Variants in ZNF85 observed in about 807,000 individuals in gnomAD.
The protein encoded by ZNF85 is zinc finger protein 85, also known as zinc finger protein 85 (HPF4, HTF1).
A neutral mutation model predicts 53.9 loss-of-function variants in ZNF85; 50 were observed. The ratio of observed to expected loss-of-function variants is 0.93; its 90% CI spans 0.74 to 1.17. The LOEUF (loss-of-function observed/expected upper bound fraction) is 1.17, where lower values mean the gene tolerates loss of function less well. Among genes scored for constraint, ZNF85 ranks in the 50% most tolerant of loss-of-function variants. The pLI, the probability that ZNF85 is intolerant of heterozygous loss-of-function variation, is 0.00. For synonymous variants in ZNF85, 225 were observed against 226.1 expected, an observed-to-expected ratio of 1.00 and a Z score of 0.04; for missense variants, 747 against 688.5, an observed-to-expected ratio of 1.08 and a Z score of -0.95.
chr19:20,946,960 C>A (rs1250161326), intron 3 of ZNF85, among the ~76,000 whole-genome samples: 3 of 148,454 alleles, frequency 2.0e-5, no homozygotes, highest in Non-Finnish European at 4.5e-5. Context: ...CTGAAACAGA[C>A]TTACAAATGT....
intron 3 of ZNF85, among the ~76,000 whole-genome samples, chr19:20,947,488 CTTTTT>C (rs768097517): frequency 1.5e-4 from 8 of 51,634 alleles, no homozygotes; most frequent in African/African-American, 4.2e-4. Context: ...TGCCAATACA[CTTTTT>C]TTTTTTTTTT....
intron 1 of ZNF85, among the ~76,000 whole-genome samples, chr19:20,929,245 A>G (rs1972952401): frequency 6.6e-6 from 1 of 151,352 alleles, no homozygotes; most frequent in Non-Finnish European, 1.5e-5. Flanking sequence ...CTGGAGTGCA[A>G]TGGCATGATC....
At chr19:20,946,754 T>C (rs1239973677) in intron 3 of ZNF85, among the ~76,000 whole-genome samples, 1 of 152,092 alleles carries the variant, frequency 6.6e-6, no homozygotes, top group Non-Finnish European at 1.5e-5. Flanking sequence ...CTTAGACCTC[T>C]TCTGCTCTCA....
At chr19:20,924,918 A>G (rs1972844751) in intron 1 of ZNF85, among the ~76,000 whole-genome samples, 1 of 152,172 alleles carries the variant, frequency 6.6e-6, no homozygotes, top group African/African-American at 2.4e-5. Flanking sequence ...ATGGGTCATC[A>G]GCCACTCTTC....
chr19:20,924,141 A>G (rs961937255), intron 1 of ZNF85, among the ~76,000 whole-genome samples: 2 of 152,100 alleles, frequency 1.3e-5, no homozygotes, highest in African/African-American at 4.8e-5. Flanking sequence ...AAGAACTTAA[A>G]AAGTGGTTCA....
At chr19:20,925,907 T>C (rs1394550425) in intron 1 of ZNF85, among the ~76,000 whole-genome samples, 4 of 152,236 alleles carry the variant, frequency 2.6e-5, no homozygotes, top group Admixed American at 2.6e-4. Context: ...GGCACAAAAA[T>C]ATTTGCACAG....
chr19:20,934,171 C>T, intron 2 of ZNF85, 21 bp downstream of exon 2: 4 of 1,604,280 alleles, frequency 2.5e-6, no homozygotes, highest in South Asian at 1.1e-5. Flanking sequence ...CTTCAATACA[C>T]AATTTCTAAT....
intron 1 of ZNF85, among the ~76,000 whole-genome samples, chr19:20,925,476 G>A (rs2144595739): frequency 6.7e-6 from 1 of 148,238 alleles, no homozygotes; most frequent in East Asian, 2.0e-4. Context: ...AAAAAAGATT[G>A]ACTTCACCCA....
chr19:20,923,293 C>A lies in ZNF85; in HGVS notation c.-108C>A. The A allele has an allele frequency of 6.4e-7, 1 of 1,565,920 alleles. No individual in the cohort carries two copies. Among genetic ancestry groups the A allele is most frequent in the South Asian group, 1.1e-5 (1 of 89,380 alleles). On this transcript the variant is annotated 5_prime_UTR_variant, in exon 1 of 4. Coordinates refer to ENST00000328178, the MANE Select transcript of ZNF85 (RefSeq NM_003429.5). ...CAGCCTGAGCTCTAGGTCTTGTTTT[C>A]CCTGCTTTGTGTTTTCTGCTCGTGG...
rs150314828 is a variant in ZNF85, at chr19:20,948,742, A to C, written c.230-2A>C. On this transcript the variant is annotated splice_acceptor_variant, in intron 3 of 3. Coordinates refer to ENST00000328178, the MANE Select transcript of ZNF85 (RefSeq NM_003429.5). LOFTEE classifies it high-confidence loss of function. ...GTAATTTGTCATTTTTGTTTCTTTC[A>C]GTTATGTGTTCTCATTTTGCCCAAG... The C allele has an allele frequency of 2.0e-6, 3 of 1,529,292 alleles. No homozygotes were observed. The Admixed American group carries it at 6.5e-5, about 33-fold the overall frequency. The allele number at this position is 1,529,292 out of a possible 1,614,324, so 94.7% of individuals were successfully genotyped here.
intron 3 of ZNF85, among the ~76,000 whole-genome samples, chr19:20,946,813 GTCTT>G (rs1454977925): frequency 6.6e-6 from 1 of 151,784 alleles, no homozygotes; most frequent in African/African-American, 2.4e-5. Context: ...GCCACTTTCA[GTCTT>G]TCTTTATCAT....
At chr19:20,925,854 C>T (rs61223057) in intron 1 of ZNF85, among the ~76,000 whole-genome samples, 299 of 152,146 alleles carry the variant, frequency 2.0e-3, no homozygotes, top group African/African-American at 6.7e-3. Context: ...TTGACTTCAG[C>T]TTCTTTTAAT....
intron 3 of ZNF85, among the ~76,000 whole-genome samples, chr19:20,936,044 C>G (rs1351009900): frequency 6.9e-6 from 1 of 144,810 alleles, no homozygotes; most frequent in Admixed American, 7.0e-5. Flanking sequence ...TAAATTTGTT[C>G]TCAGAAATTT....
chr19:20,947,208 A>G (rs924630578), intron 3 of ZNF85, among the ~76,000 whole-genome samples: 1 of 150,918 alleles, frequency 6.6e-6, no homozygotes, highest in African/African-American at 2.4e-5. Flanking sequence ...CTTTCTCATT[A>G]TATCTGCCCT....
At chr19:20,926,403 T>C (rs955074417) in intron 1 of ZNF85, among the ~76,000 whole-genome samples, 4 of 152,190 alleles carry the variant, frequency 2.6e-5, no homozygotes, top group Non-Finnish European at 5.9e-5. Flanking sequence ...AAGGAATAAA[T>C]GCTTTTGCTT....
At chr19:20,932,461 C>T (rs978286706) in intron 1 of ZNF85, among the ~76,000 whole-genome samples, 1 of 152,060 alleles carries the variant, frequency 6.6e-6, no homozygotes, top group African/African-American at 2.4e-5. Flanking sequence ...AGAATTCCTA[C>T]CACAAATTTA....
intron 1 of ZNF85, among the ~76,000 whole-genome samples, chr19:20,931,521 G>A (rs1482290621): frequency 1.3e-5 from 2 of 151,834 alleles, no homozygotes; most frequent in Non-Finnish European, 2.9e-5. Flanking sequence ...CATGAGTTAA[G>A]TTCCACCTTT....
intron 3 of ZNF85, among the ~76,000 whole-genome samples, chr19:20,947,488 CTTTTTTTTTTTTTT>C (rs768097517): frequency 1.2e-4 from 6 of 51,634 alleles, no homozygotes; most frequent in East Asian, 7.9e-4. Context: ...TGCCAATACA[CTTTTTTTTTTTTTT>C]TTTTTTTTTT....
At chr19:20,932,500 T>C (rs948331889) in intron 1 of ZNF85, among the ~76,000 whole-genome samples, 1 of 152,218 alleles carries the variant, frequency 6.6e-6, no homozygotes, top group Non-Finnish European at 1.5e-5. Flanking sequence ...ATGTTCCCTT[T>C]GTGGCTCTTG....
Sources: gnomAD v4.1 joint callset for allele counts (sites outside exome capture counted in the v4.1 genomes callset) on GRCh38, gnomAD v4.1.1 for gene constraint, MANE v1.5 for transcripts, NCBI Gene and HGNC (gene_info 2026-07-23, HGNC 2026-07-21) for gene names.